The following AUTS2 variants were observed in gnomAD, a reference collection of about 807,000 sequenced individuals.
AUTS2 encodes autism susceptibility gene 2 protein.
In AUTS2, 17 loss-of-function variants were observed where a neutral mutation model predicts 112.4. The observed-to-expected ratio is 0.15, with a 90% CI of 0.10 to 0.23. The LOEUF (loss-of-function observed/expected upper bound fraction) is 0.23. Among genes scored for constraint, AUTS2 ranks in the 10% least tolerant of loss-of-function variants. AUTS2 has a pLI of 1.00. For missense variants in AUTS2, 1,510 were observed against 1,701.6 expected (o/e 0.89, Z 1.98); for synonymous variants, 751 against 702.7 (o/e 1.07, Z -1.09).
At chr7:70,355,659 GA>G (rs1791977212) in intron 4 of AUTS2, among the ~76,000 whole-genome samples, 1 of 152,174 alleles carries the variant, frequency 6.6e-6, no homozygotes, top group Non-Finnish European at 1.5e-5. Flanking sequence ...AGTGAGAGCA[GA>G]GTGTATAATG....
At chr7:70,398,664 C>T (rs749303453) in intron 4 of AUTS2, among the ~76,000 whole-genome samples, 3 of 151,972 alleles carry the variant, frequency 2.0e-5, no homozygotes, top group Non-Finnish European at 4.4e-5. Context: ...AGTTATTATG[C>T]CTGCAAATAA....
At chr7:70,164,360 T>A (rs1808271655) in intron 4 of AUTS2, among the ~76,000 whole-genome samples, 2 of 152,164 alleles carry the variant, frequency 1.3e-5, no homozygotes, top group African/African-American at 4.8e-5. Context: ...ACTGATCTTT[T>A]TCTGTTGTAG....
At chr7:70,228,130 C>T (rs1005770702) in intron 4 of AUTS2, among the ~76,000 whole-genome samples, 4 of 151,606 alleles carry the variant, frequency 2.6e-5, no homozygotes, top group African/African-American at 9.7e-5. Context: ...ATTGTATCTT[C>T]TTGGTGGGTA....
chr7:70,566,530 AT>A (rs1312040023), intron 5 of AUTS2, among the ~76,000 whole-genome samples: 1 of 152,202 alleles, frequency 6.6e-6, no homozygotes, highest in Non-Finnish European at 1.5e-5. Flanking sequence ...ACTATTAAAT[AT>A]TGGAACATTA....
intron 2 of AUTS2, among the ~76,000 whole-genome samples, chr7:70,044,327 C>T (rs1050452656): frequency 2.6e-5 from 4 of 152,156 alleles, no homozygotes; most frequent in African/African-American, 4.8e-5. Flanking sequence ...TAATTCTTTG[C>T]TGTGTTGCCT....
intron 4 of AUTS2, among the ~76,000 whole-genome samples, chr7:70,410,209 A>G (rs1794712623): frequency 6.6e-6 from 1 of 152,178 alleles, no homozygotes; most frequent in Non-Finnish European, 1.5e-5. Flanking sequence ...CTCATGTAAA[A>G]GGAAGGCTGG....
chr7:70,243,209 A>C (rs1440490733), intron 4 of AUTS2, among the ~76,000 whole-genome samples: 1 of 151,430 alleles, frequency 6.6e-6, no homozygotes, highest in Non-Finnish European at 1.5e-5. Context: ...CCTTTAAAAA[A>C]TAGAGAGGAA....
chr7:70,515,896 C>T (rs1242715977), intron 5 of AUTS2, among the ~76,000 whole-genome samples: 2 of 152,178 alleles, frequency 1.3e-5, no homozygotes, highest in Admixed American at 6.5e-5. Context: ...CAGCAGTGGA[C>T]CTAAAACAGC....
chr7:69,696,107 T>A (rs1797549479), intron 1 of AUTS2, among the ~76,000 whole-genome samples: 1 of 152,232 alleles, frequency 6.6e-6, no homozygotes, highest in Non-Finnish European at 1.5e-5. Context: ...AATTCACTTT[T>A]CTTTTTGCGA....
At chr7:70,329,046 G>A (rs923003510) in intron 4 of AUTS2, among the ~76,000 whole-genome samples, 9 of 151,928 alleles carry the variant, frequency 5.9e-5, no homozygotes, top group African/African-American at 1.9e-4. Flanking sequence ...GACCTTTTTT[G>A]TCTGGCTTCT....
chr7:70,484,285 C>T (rs2116264047), intron 5 of AUTS2, among the ~76,000 whole-genome samples: 1 of 152,362 alleles, frequency 6.6e-6, no homozygotes, highest in East Asian at 1.9e-4. Flanking sequence ...GCAAAGTTGA[C>T]TGGTTCTCTA....
intron 1 of AUTS2, among the ~76,000 whole-genome samples, chr7:69,863,790 C>T (rs1793096726): frequency 6.6e-6 from 1 of 152,306 alleles, no homozygotes; most frequent in South Asian, 2.1e-4. Flanking sequence ...CCCTCCACAC[C>T]TGAGTACATC....
At chr7:70,474,014 C>A (rs574306862) in intron 5 of AUTS2, among the ~76,000 whole-genome samples, 2 of 152,218 alleles carry the variant, frequency 1.3e-5, no homozygotes, top group Non-Finnish European at 2.9e-5. Context: ...ACTTTGCAGC[C>A]CCAACTCTTT....
intron 5 of AUTS2, among the ~76,000 whole-genome samples, chr7:70,587,146 G>A (rs577644374): frequency 1.3e-5 from 2 of 152,104 alleles, no homozygotes; most frequent in African/African-American, 2.4e-5. Context: ...ATGCCATCAC[G>A]GCTCACTGCA....
chr7:70,053,585 G>T (rs571819705), intron 2 of AUTS2, among the ~76,000 whole-genome samples: 6 of 138,626 alleles, frequency 4.3e-5, no homozygotes, highest in Non-Finnish European at 7.6e-5. Flanking sequence ...TGTTTCCCAG[G>T]CTGGAGTGAA....
In AUTS2 at chr7:70,389,753, C is replaced by T. The variant is rs149786258; in HGVS notation, c.661-45999C>T. 1.4e-4 allele frequency among the ~76,000 whole-genome samples: 22 copies of T among 152,136 alleles called. No homozygotes were observed. The East Asian group carries it at 2.7e-3, about 19-fold the overall frequency. ...TAAATACCCTCCTCTCCTCTCATAACGTTAAATTTTTCATGAATTCATCAT... is the reference window on the plus strand; with the variant it reads ...TAAATACCCTCCTCTCCTCTCATAATGTTAAATTTTTCATGAATTCATCAT... On this transcript the variant is annotated intron_variant, in intron 4 of 18. Transcript: ENST00000342771.
intron 1 of AUTS2, among the ~76,000 whole-genome samples, chr7:69,889,623 A>G (rs1794430256): frequency 6.6e-6 from 1 of 152,346 alleles, no homozygotes; most frequent in Non-Finnish European, 1.5e-5. Flanking sequence ...CTTCGGAAAA[A>G]TGTCTAGTCA....
chr7:70,354,412 G>T (rs1585049588), intron 4 of AUTS2, among the ~76,000 whole-genome samples: 1 of 152,190 alleles, frequency 6.6e-6, no homozygotes, highest in East Asian at 1.9e-4. Context: ...AATAGTACAA[G>T]TTCCAACTAA....
intron 4 of AUTS2, among the ~76,000 whole-genome samples, chr7:70,311,547 T>A: frequency 6.6e-6 from 1 of 152,058 alleles, no homozygotes; most frequent in South Asian, 2.1e-4. Context: ...GTTGTTGTTT[T>A]TTGTTTTGTT....
Sources: allele counts gnomAD v4.1 joint callset (sites outside exome capture counted in the v4.1 genomes callset), GRCh38; gene constraint gnomAD v4.1.1; transcripts MANE v1.5; gene names NCBI Gene and HGNC (gene_info 2026-07-23, HGNC 2026-07-21).